CMTR2: variants seen among roughly 807,000 people sequenced by gnomAD.
The protein encoded by CMTR2 is cap-specific mRNA (nucleoside-2'-O-)-methyltransferase 2.
Under a neutral mutation model 49.8 loss-of-function variants are expected in CMTR2, and 40 were observed. That is an observed-to-expected ratio of 0.80 (90% CI 0.62 to 1.04). CMTR2 has a LOEUF of 1.04. CMTR2 is among the 50% of genes least tolerant of loss of function. The pLI is 0.00. For missense variants in CMTR2, 907 were observed against 897.2 expected, an observed-to-expected ratio of 1.01 and a Z score of -0.14; for synonymous variants, 326 against 315.8, an observed-to-expected ratio of 1.03 and a Z score of -0.34.
rs1423884677 is a variant in CMTR2, at chr16:71,284,733, T to C, written c.1188A>G (p.Leu396=). The change falls in exon 3 of 3, where the codon TTA becomes TTG. Residue 396 remains leucine (L), a synonymous_variant. Transcript: ENST00000434935. ...GKAEQEKLNN[L]RDCAIQYFMQ... The stretch of plus-strand genomic sequence containing the variant: ...TAAAATATTGTATAGCACAATCCCT[T>C]AAATTATTCAGCTTTTCTTGTTCCG... 4 of 1,613,496 alleles carry C rather than the reference T, an allele frequency of 2.5e-6. No homozygotes were observed. Among genetic ancestry groups the C allele is most frequent in the Admixed American group, 3.3e-5 (2 of 59,926 alleles).
intron 2 of CMTR2, chr16:71,287,057 G>A (rs944657895): frequency 1.3e-5 from 2 of 152,108 alleles, no homozygotes; most frequent in Non-Finnish European, 2.9e-5. Context: ...GTACCTGTTA[G>A]TGCAATGTTA....
At position 71,285,888 on chromosome 16, in the gene CMTR2, C is replaced by T. The variant is rs563690149; in HGVS notation, c.33G>A (p.Gln11=). The change falls in exon 3 of 3, where the codon CAG becomes CAA. Residue 11 remains glutamine, a synonymous_variant. Coordinates refer to ENST00000434935, the MANE Select transcript of CMTR2 (RefSeq NM_018348.6). ...GGCTGAATGACGCGGGACTTGCTAG[C>T]TGCTGAACTGGTGTCTTTCTGCACT... The part of the protein sequence containing the change: MSKCRKTPVQ[Q]LASPASFSPD... The T allele has an allele frequency of 6.3e-7, 1 of 1,598,906 alleles. No homozygotes were observed. The highest frequency in any genetic ancestry group is 2.2e-5 in the East Asian group (1 of 44,752).
At position 71,285,494 on chromosome 16, in the gene CMTR2, G is replaced by C; in HGVS notation, c.427C>G (p.Leu143Val). The C allele has an allele frequency of 1.2e-6, 2 of 1,614,044 alleles. No individual in the cohort carries two copies. The highest frequency in any genetic ancestry group is 1.7e-6 in the Non-Finnish European group (2 of 1,179,972). The change falls in exon 3 of 3, where the codon CTT becomes GTT. Residue 143 changes from leucine (L) to valine (V), a missense_variant. Coordinates refer to ENST00000434935, the MANE Select transcript of CMTR2 (RefSeq NM_018348.6). ...ATAAAAGCTCCTGGAGCTTCACAAA[G>C]GTGTAGAGAATTCAGTTTTCCATTC... Reference protein sequence around the residue: ...FQNGKLNSLHLCEAPGAFIAS... With the variant: ...FQNGKLNSLHVCEAPGAFIAS...
Position 71,283,881 on chromosome 16 carries a change from CAG to C in CMTR2, c.2038_2039del (p.Leu680GlufsTer27). The C allele has an allele frequency of 6.2e-6, 10 of 1,613,938 alleles. No individual in the cohort carries two copies. The highest frequency in any genetic ancestry group is 8.5e-6 in the Non-Finnish European group (10 of 1,179,910). ...TFVCPTSSDP[L>X]RTCAVLLCVG... ...CACATAGCAGGACTGCGCAGGTCCT[CAG>C]GGGATCAGAGGATGTGGGACAAACA... On this transcript the variant is annotated frameshift_variant, in exon 3 of 3. Coordinates refer to ENST00000434935, the MANE Select transcript of CMTR2 (RefSeq NM_018348.6). LOFTEE classifies it high-confidence loss of function.
chr16:71,286,559 AAT>A (rs2041731087), intron 2 of CMTR2: 1 of 151,936 alleles, frequency 6.6e-6, no homozygotes, highest in South Asian at 2.1e-4. Flanking sequence ...AGGATTGTTG[AAT>A]ACATCCTCTG....
intron 2 of CMTR2, chr16:71,287,222 G>A (rs1013872362): frequency 6.6e-6 from 1 of 152,158 alleles, no homozygotes; most frequent in Non-Finnish European, 1.5e-5. Flanking sequence ...GACAAAATGA[G>A]AAACAAAGGG....
rs2144840761 is a variant in CMTR2 at position 71,284,217 on chromosome 16, A to G, written c.1704T>C (p.Asp568=). 1 of 1,614,080 alleles carries G rather than the reference A, an allele frequency of 6.2e-7. No homozygotes were observed. Among genetic ancestry groups the G allele is most frequent in the Admixed American group, 1.7e-5 (1 of 60,008 alleles). Reference sequence around the variant, plus strand: ...GATTGCTGGGTACTACAACCTGCTCATCCTGAAGGCACTCAGTAAGGCTAC... The same window carrying G: ...GATTGCTGGGTACTACAACCTGCTCGTCCTGAAGGCACTCAGTAAGGCTAC... ...ELCSLTECLQ[D]EQVVVPSNQI... The change falls in exon 3 of 3, where the codon GAT becomes GAC. Residue 568 remains aspartate (D), a synonymous_variant. Coordinates refer to ENST00000434935, the MANE Select transcript of CMTR2 (RefSeq NM_018348.6).
At chr16:71,287,780 C>T (rs1454617655) in intron 2 of CMTR2, 1 of 152,088 alleles carries the variant, frequency 6.6e-6, no homozygotes, top group Non-Finnish European at 1.5e-5. Flanking sequence ...AGACAAATTT[C>T]TAAAGGAAGA....
chr16:71,281,534 A>G lies in CMTR2; in HGVS notation c.*2074T>C, dbSNP rs1396738964. 2 of 151,954 alleles carry G rather than the reference A, an allele frequency of 1.3e-5. No individual in the cohort carries two copies. Among genetic ancestry groups the G allele is most frequent in the Admixed American group, 1.3e-4 (2 of 15,268 alleles). 9.4% of individuals were successfully genotyped at this position (151,954 alleles called of 1,614,324 possible). On this transcript the variant is annotated 3_prime_UTR_variant, in exon 3 of 3. Coordinates refer to ENST00000434935, the MANE Select transcript of CMTR2 (RefSeq NM_018348.6). ...CTTCTACTTTTCCATTCATCTTTTG[A>G]ATAGCATTTTTCCTCTCCTTTCTCT...
chr16:71,285,939 T>C lies in CMTR2; in HGVS notation c.-19A>G. 6.5e-7 allele frequency: 1 copy of C among 1,535,312 alleles called. No individual in the cohort carries two copies. Among genetic ancestry groups the C allele is most frequent in the Non-Finnish European group, 8.7e-7 (1 of 1,144,712 alleles). ...TACTCATTTTCAAATCAAATTAAAATCTAGGAAGAGAAAACACATAATTAA... is the reference window on the plus strand; with the variant it reads ...TACTCATTTTCAAATCAAATTAAAACCTAGGAAGAGAAAACACATAATTAA... On this transcript the variant is annotated splice_region_variant and 5_prime_UTR_variant, in exon 3 of 3. Transcript: ENST00000434935.
At chr16:71,287,368 G>A (rs1472657660) in intron 2 of CMTR2, 1 of 152,040 alleles carries the variant, frequency 6.6e-6, no homozygotes, top group African/African-American at 2.4e-5. Context: ...CTACCAGTTT[G>A]TAATTTCCTT....
rs1440142850 is a variant in CMTR2 at position 71,283,958 on chromosome 16, T to C, written c.1963A>G (p.Met655Val). 3.1e-6 allele frequency: 5 copies of C among 1,614,056 alleles called. No individual in the cohort carries two copies. In the South Asian group the frequency reaches 5.5e-5, roughly 18 times the overall value. The change falls in exon 3 of 3, where the codon ATG becomes GTG. Residue 655 changes from methionine (M) to valine (V), a missense_variant. By Grantham distance (21) the Met-to-Val change is conservative (BLOSUM62 1). Coordinates refer to ENST00000434935, the MANE Select transcript of CMTR2 (RefSeq NM_018348.6). ...TGGAGTACAAAGATCAAACCAGCCA[T>C]AAATCTTGTGAAGCAAGAAAGTACA... ...LPVLSCFTRF[M>V]AGLIFVLHSC...
chr16:71,282,689 C>T lies in CMTR2; in HGVS notation c.*919G>A, dbSNP rs913663092. ...AAGATTAAAAATTTTAAATTCTGAACCATCATTCTGAAAGTCTGAAGCGTT... is the reference window on the plus strand; with the variant it reads ...AAGATTAAAAATTTTAAATTCTGAATCATCATTCTGAAAGTCTGAAGCGTT... On this transcript the variant is annotated 3_prime_UTR_variant, in exon 3 of 3. Coordinates refer to ENST00000434935, the MANE Select transcript of CMTR2 (RefSeq NM_018348.6). 1 of 152,030 alleles carries T rather than the reference C, an allele frequency of 6.6e-6. No individual in the cohort carries two copies. Among genetic ancestry groups the T allele is most frequent in the African/African-American group, 2.4e-5 (1 of 41,432 alleles). The allele number at this position is 152,030 out of a possible 1,614,324, so 9.4% of individuals were successfully genotyped here.
Position 71,284,447 on chromosome 16 carries a change from G to A in CMTR2, c.1474C>T (p.His492Tyr), listed in dbSNP as rs376479919. 195 of 1,613,798 alleles carry A rather than the reference G, an allele frequency of 1.2e-4. 1 individual carries two copies. The highest frequency in any genetic ancestry group is 1.5e-4 in the Non-Finnish European group (180 of 1,179,952). The change falls in exon 3 of 3, where the codon CAC (histidine) becomes TAC (tyrosine). Residue 492 changes from histidine (H) to tyrosine (Y), a missense_variant. By Grantham distance (83) the His-to-Tyr change is moderately conservative. Coordinates refer to ENST00000434935, the MANE Select transcript of CMTR2 (RefSeq NM_018348.6). ...TTTCCCTCCAAAATATGCCATAAGTGACACTCAAGATTGGAAGCTGTTCCT... is the reference window on the plus strand; with the variant it reads ...TTTCCCTCCAAAATATGCCATAAGTAACACTCAAGATTGGAAGCTGTTCCT... ...LEGTASNLEC[H>Y]LWHILEGKKL...
chr16:71,284,891 T>C lies in CMTR2; in HGVS notation c.1030A>G (p.Lys344Glu). The change falls in exon 3 of 3, where the codon AAA (lysine) becomes GAA (glutamate). Residue 344 changes from lysine to glutamate, a missense_variant. Coordinates refer to ENST00000434935, the MANE Select transcript of CMTR2 (RefSeq NM_018348.6). ...ATCACATGATGGGGAAAAAGGGCTT[T>C]CCTTTTCATTTCAGTCCCAAAATTC... ...TLNFGTEMKR[K>E]ALFPHHVIPD... 2.5e-6 allele frequency: 4 copies of C among 1,614,130 alleles called. No homozygotes were observed. The highest frequency in any genetic ancestry group is 3.4e-6 in the Non-Finnish European group (4 of 1,179,978).
At position 71,284,397 on chromosome 16, in the gene CMTR2, A is replaced by G. The variant is rs774067087; in HGVS notation, c.1524T>C (p.Ser508=). The part of the protein sequence containing the change: ...EGKKLPKVKC[S]PFCNGEILKT... ...TTAAAATTTCACCATTGCAAAAAGG[A>G]GAACATTTTACCTTTGGCAGTTTCT... The change falls in exon 3 of 3, where the codon TCT becomes TCC. Residue 508 remains serine (S), a synonymous_variant. Coordinates refer to ENST00000434935, the MANE Select transcript of CMTR2 (RefSeq NM_018348.6). The G allele has an allele frequency of 1.2e-6, 2 of 1,613,782 alleles. No homozygotes were observed. The highest frequency in any genetic ancestry group is 1.3e-5 in the African/African-American group (1 of 74,912).
chr16:71,281,483 T>C lies in CMTR2; in HGVS notation c.*2125A>G, dbSNP rs1028703144. 6 of 151,990 alleles carry C rather than the reference T, an allele frequency of 3.9e-5. No individual in the cohort carries two copies. Among genetic ancestry groups the C allele is most frequent in the African/African-American group, 7.2e-5 (3 of 41,442 alleles). 9.4% of individuals were successfully genotyped at this position (151,990 alleles called of 1,614,324 possible). A position where few individuals can be genotyped will look rare whatever the true frequency, so the allele number is the denominator to read the frequency against. ...AAGAACAGTCTACCTTGGTAAAACATGCATACTCTCACCTCTTCCTGTCTT... is the reference window on the plus strand; with the variant it reads ...AAGAACAGTCTACCTTGGTAAAACACGCATACTCTCACCTCTTCCTGTCTT... On this transcript the variant is annotated 3_prime_UTR_variant, in exon 3 of 3. Coordinates refer to ENST00000434935, the MANE Select transcript of CMTR2 (RefSeq NM_018348.6).
chr16:71,284,212 T>G lies in CMTR2; in HGVS notation c.1709A>C (p.Gln570Pro), dbSNP rs2041670113. 1 of 1,614,020 alleles carries G rather than the reference T, an allele frequency of 6.2e-7. No individual in the cohort carries two copies. Residue 570 changes from glutamine to proline, a missense_variant, in exon 3 of 3, where the codon CAG becomes CCG. Gln to Pro is a moderately conservative substitution (Grantham distance 76). Coordinates refer to ENST00000434935, the MANE Select transcript of CMTR2 (RefSeq NM_018348.6). Reference protein sequence around the residue: ...CSLTECLQDEQVVVPSNQIKC... With the variant: ...CSLTECLQDEPVVVPSNQIKC... ...TATTTGATTGCTGGGTACTACAACC[T>G]GCTCATCCTGAAGGCACTCAGTAAG...
In CMTR2 at chr16:71,284,439, C is replaced by T; in HGVS notation, c.1482G>A (p.Trp494Ter). 3 of 1,613,906 alleles carry T rather than the reference C, an allele frequency of 1.9e-6. No individual in the cohort carries two copies. Among genetic ancestry groups the T allele is most frequent in the Non-Finnish European group, 2.5e-6 (3 of 1,179,956 alleles). Residue 494 changes from tryptophan to a stop codon, truncating the protein, a stop_gained, in exon 3 of 3, where the codon TGG becomes TGA. Coordinates refer to ENST00000434935, the MANE Select transcript of CMTR2 (RefSeq NM_018348.6). LOFTEE classifies it high-confidence loss of function. ...GCAGTTTCTTTCCCTCCAAAATATG[C>T]CATAAGTGACACTCAAGATTGGAAG... is the stretch of plus-strand genomic sequence containing the variant. ...GTASNLECHL[W>*]HILEGKKLPK...
Sources: gnomAD v4.1 joint callset for allele counts on GRCh38, gnomAD v4.1.1 for gene constraint, MANE v1.5 for transcripts, NCBI Gene and HGNC (gene_info 2026-07-23, HGNC 2026-07-21) for gene names.